Variants in LRP1B observed in about 807,000 individuals in gnomAD.
LRP1B encodes the protein LDL receptor related protein 1B.
In LRP1B, 217 loss-of-function variants were observed where a neutral mutation model predicts 556.6. The ratio of observed to expected loss-of-function variants is 0.39; its 90% CI spans 0.35 to 0.44. The LOEUF is 0.44. LRP1B is among the 20% of genes least tolerant of loss of function. The pLI is 1.00. For missense variants in LRP1B, 5,053 were observed against 5,620.8 expected (o/e 0.90, Z 3.23); for synonymous variants, 2,047 against 1,865.8 (o/e 1.10, Z -2.50).
intron 3 of LRP1B, among the ~76,000 whole-genome samples, chr2:141,334,686 G>A (rs1036386965): frequency 1.3e-5 from 2 of 152,012 alleles, no homozygotes. Context: ...CAAGTAGCTG[G>A]GATTAAAGGC....
At chr2:140,271,383 G>T (rs1052304534) in intron 85 of LRP1B, among the ~76,000 whole-genome samples, 1 of 151,854 alleles carries the variant, frequency 6.6e-6, no homozygotes, top group Non-Finnish European at 1.5e-5. Context: ...CTACAATATC[G>T]ATTGATCACT....
intron 60 of LRP1B, among the ~76,000 whole-genome samples, chr2:140,474,576 G>C (rs1217849760): frequency 6.6e-6 from 1 of 151,864 alleles, no homozygotes; most frequent in Admixed American, 6.6e-5. Context: ...AAAACGTTTT[G>C]ATGTAATTTG....
chr2:140,477,086 A>G (rs1688007189), intron 59 of LRP1B, among the ~76,000 whole-genome samples: 1 of 152,064 alleles, frequency 6.6e-6, no homozygotes, highest in Non-Finnish European at 1.5e-5. Context: ...CAATAAATTT[A>G]TGGAGAAGTA....
At chr2:141,006,237 G>A (rs1441899752) in intron 14 of LRP1B, among the ~76,000 whole-genome samples, 1 of 152,000 alleles carries the variant, frequency 6.6e-6, no homozygotes, top group Non-Finnish European at 1.5e-5. Flanking sequence ...AATCAGATCA[G>A]GGTAATTGGC....
intron 1 of LRP1B, among the ~76,000 whole-genome samples, chr2:142,099,801 A>G (rs1706507879): frequency 6.6e-6 from 1 of 151,922 alleles, no homozygotes; most frequent in Admixed American, 6.6e-5. Flanking sequence ...ACCCCTCAGA[A>G]TTAGTTCTGT....
chr2:140,863,529 G>A (rs1054231464), intron 27 of LRP1B, among the ~76,000 whole-genome samples: 2 of 152,102 alleles, frequency 1.3e-5, no homozygotes, highest in Admixed American at 1.3e-4. Context: ...GGAAAAAACT[G>A]TGTATTTCTT....
intron 67 of LRP1B, among the ~76,000 whole-genome samples, chr2:140,378,995 C>A (rs1273692326): frequency 6.6e-6 from 1 of 152,188 alleles, no homozygotes; most frequent in Non-Finnish European, 1.5e-5. Flanking sequence ...TAATGACTTA[C>A]TACTTGGCTT....
chr2:140,661,726 C>T (rs1685101265), intron 41 of LRP1B, among the ~76,000 whole-genome samples: 1 of 152,212 alleles, frequency 6.6e-6, no homozygotes, highest in Non-Finnish European at 1.5e-5. Context: ...GTAGACAGTT[C>T]TGGACTAATT....
At chr2:141,331,465 G>C (rs1350201803) in intron 3 of LRP1B, among the ~76,000 whole-genome samples, 1 of 142,272 alleles carries the variant, frequency 7.0e-6, no homozygotes, top group Non-Finnish European at 1.5e-5. Context: ...ATGAGCTCAG[G>C]AAACTCTTAA....
At position 141,981,342 on chromosome 2, in the gene LRP1B, C is replaced by T. The variant is rs574531257; in HGVS notation, c.82+149306G>A. 7.2e-5 allele frequency among the ~76,000 whole-genome samples: 11 copies of T among 152,058 alleles called. No homozygotes were observed. The South Asian group carries it at 1.7e-3, about 23-fold the overall frequency. Reference sequence around the variant, plus strand: ...GCAACCTCAATGATAACAAGTCTAACGTGAAGATCTTCAGGAAGATCAACT... The same window carrying T: ...GCAACCTCAATGATAACAAGTCTAATGTGAAGATCTTCAGGAAGATCAACT... On this transcript the variant is annotated intron_variant, in intron 1 of 90. Transcript: ENST00000389484.
intron 1 of LRP1B, among the ~76,000 whole-genome samples, chr2:142,082,667 T>C (rs992778434): frequency 2.6e-5 from 4 of 152,338 alleles, no homozygotes; most frequent in Admixed American, 2.0e-4. Context: ...CCAGACAAGC[T>C]CAATCACTTC....
chr2:142,090,607 C>T (rs1447379176), intron 1 of LRP1B, among the ~76,000 whole-genome samples: 1 of 152,100 alleles, frequency 6.6e-6, no homozygotes, highest in Admixed American at 6.5e-5. Flanking sequence ...ATTATTTCCA[C>T]ATTTTGAACT....
intron 7 of LRP1B, among the ~76,000 whole-genome samples, chr2:141,069,163 T>C (rs1009288926): frequency 6.6e-6 from 1 of 151,982 alleles, no homozygotes; most frequent in Non-Finnish European, 1.5e-5. Context: ...AGTCCATCCT[T>C]ATCCCCACTT....
At chr2:141,134,212 C>G (rs547136961) in intron 7 of LRP1B, among the ~76,000 whole-genome samples, 5 of 151,820 alleles carry the variant, frequency 3.3e-5, no homozygotes, top group Non-Finnish European at 7.4e-5. Flanking sequence ...TGTATCGTAT[C>G]TATTTTGCAA....
At chr2:141,107,735 T>G (rs2104956258) in intron 7 of LRP1B, among the ~76,000 whole-genome samples, 1 of 152,282 alleles carries the variant, frequency 6.6e-6, no homozygotes, top group Middle Eastern at 3.4e-3. Flanking sequence ...ATATACATTT[T>G]ATGTGATTTT....
chr2:140,330,360 G>A (rs1009982032), intron 79 of LRP1B, among the ~76,000 whole-genome samples: 1 of 151,744 alleles, frequency 6.6e-6, no homozygotes, highest in African/African-American at 2.4e-5. Context: ...CAAAAGCTAT[G>A]GTACTGGTAC....
chr2:140,710,470 A>AT (rs1244325415), intron 37 of LRP1B, among the ~76,000 whole-genome samples: 1 of 152,016 alleles, frequency 6.6e-6, no homozygotes, highest in Non-Finnish European at 1.5e-5. Context: ...GGGTGAAGAT[A>AT]TTTTATTACT....
At chr2:140,766,483 G>A (rs763519496) in intron 35 of LRP1B, among the ~76,000 whole-genome samples, 8 of 151,994 alleles carry the variant, frequency 5.3e-5, no homozygotes, top group Non-Finnish European at 1.0e-4. Context: ...GAAAGCTCCT[G>A]ATAGCACCAC....
intron 3 of LRP1B, among the ~76,000 whole-genome samples, chr2:141,265,320 T>C (rs575086031): frequency 6.6e-6 from 1 of 152,190 alleles, no homozygotes; most frequent in South Asian, 2.1e-4. Flanking sequence ...CAGGATTCCA[T>C]CAGGAAGCAA....
Sources: gnomAD v4.1 joint callset for allele counts (sites outside exome capture counted in the v4.1 genomes callset) on GRCh38, gnomAD v4.1.1 for gene constraint, MANE v1.5 for transcripts, NCBI Gene and HGNC (gene_info 2026-07-23, HGNC 2026-07-21) for gene names.